INTS11: variants seen among roughly 807,000 people sequenced by gnomAD.
The protein encoded by INTS11 is integrator complex subunit 11, also known as CPSF3-like protein.
In INTS11, 77 loss-of-function variants were observed where a neutral mutation model predicts 78.6. The ratio of observed to expected loss-of-function variants is 0.98; its 90% CI spans 0.81 to 1.18. The LOEUF is 1.18. Ranked by LOEUF, INTS11 falls within the 50% of genes most tolerant of loss-of-function variation. INTS11 has a pLI of 0.00. For synonymous variants in INTS11, 441 were observed against 326.9 expected (o/e 1.35, Z -3.77); for missense variants, 875 against 825.9 (o/e 1.06, Z -0.73).
At chr1:1,323,463 G>A (rs1272596304) in intron 1 of INTS11, among the ~76,000 whole-genome samples, 4 of 152,162 alleles carry the variant, frequency 2.6e-5, no homozygotes, top group Admixed American at 6.5e-5. Flanking sequence ...GGAGTGCAGT[G>A]GCACAATCAT....
intron 4 of INTS11, chr1:1,319,067 C>A: frequency 1.4e-6 from 1 of 719,948 alleles, no homozygotes; most frequent in Non-Finnish European, 2.6e-6. Flanking sequence ...TAAGCCGGTG[C>A]ATACCCCCAC....
Position 1,311,646 on chromosome 1 carries a change from C to T in INTS11, c.*213G>A, listed in dbSNP as rs1430917557. On this transcript the variant is annotated 3_prime_UTR_variant, in exon 17 of 17. Transcript: ENST00000435064. Reference sequence around the variant, plus strand: ...GAAACTGCTGTCTAGGACCACCTGCCCTAACCAGGAATAAAGGCAAGACAG... The same window carrying T: ...GAAACTGCTGTCTAGGACCACCTGCTCTAACCAGGAATAAAGGCAAGACAG... 4.2e-6 allele frequency: 3 copies of T among 709,454 alleles called. No homozygotes were observed. The highest frequency in any genetic ancestry group is 2.0e-5 in the Admixed American group (1 of 49,184). 43.9% of individuals were successfully genotyped at this position (709,454 alleles called of 1,614,324 possible). A position where few individuals can be genotyped will look rare whatever the true frequency, so the allele number is the denominator to read the frequency against.
In INTS11 at chr1:1,313,492, C is replaced by T. The variant is rs755281612; in HGVS notation, c.1041+17G>A. On this transcript the variant is annotated intron_variant, in intron 10 of 16. Transcript: ENST00000435064. ...GGCCTCCAGCTTCCAGATTCCCACA[C>T]CTCACCATGCCCTCACCATGTTCTT... is the stretch of plus-strand genomic sequence containing the variant. The T allele has an allele frequency of 1.9e-6, 3 of 1,612,644 alleles. No homozygotes were observed. The African/African-American group carries it at 4.0e-5, about 22-fold the overall frequency.
intron 1 of INTS11, chr1:1,322,739 G>A (rs1482836527): frequency 9.2e-5 from 24 of 260,834 alleles, no homozygotes; most frequent in Non-Finnish European, 1.3e-4. Flanking sequence ...AGGGTGGGTA[G>A]GGGGACCGGC....
At chr1:1,316,031 A>C (rs1056858884) in intron 4 of INTS11, 4 of 256,996 alleles carry the variant, frequency 1.6e-5, no homozygotes, top group South Asian at 4.4e-5. Context: ...GACAAGGTTC[A>C]GAATGTTGGC....
intron 14 of INTS11, 31 bp downstream of exon 14, chr1:1,312,409 T>C (rs758207703): frequency 2.6e-6 from 4 of 1,564,468 alleles, no homozygotes; most frequent in Middle Eastern, 1.7e-4. Flanking sequence ...GCAGCGGCCC[T>C]CCCCCCTCCA....
chr1:1,314,798 C>T lies in INTS11; in HGVS notation c.702+26G>A. On this transcript the variant is annotated intron_variant, in intron 7 of 16. Coordinates refer to ENST00000435064, the MANE Select transcript of INTS11 (RefSeq NM_017871.6). The surrounding 1 kb of genome is among the most constrained non-coding windows in gnomAD (Gnocchi z 4.2). ...GACCAGCCCAGCATGGCCGAGGGCCCATGTCCCCACCCCTGCTGCAGCTAC... is the reference window on the plus strand; with the variant it reads ...GACCAGCCCAGCATGGCCGAGGGCCTATGTCCCCACCCCTGCTGCAGCTAC... 1 of 1,601,352 alleles carries T rather than the reference C, an allele frequency of 6.2e-7. No individual in the cohort carries two copies. Among genetic ancestry groups the T allele is most frequent in the East Asian group, 2.2e-5 (1 of 44,554 alleles).
At chr1:1,321,804 T>C (rs549165001) in intron 1 of INTS11, 3 of 826,430 alleles carry the variant, frequency 3.6e-6, no homozygotes, top group East Asian at 3.3e-5. Flanking sequence ...AGCCCCCTCA[T>C]GTGGCCTGGG....
Position 1,321,012 on chromosome 1 carries a change from A to G in INTS11, c.110T>C (p.Met37Thr), listed in dbSNP as rs755105351. Residue 37 changes from methionine (M) to threonine (T), a missense_variant, in exon 2 of 17, where the codon ATG (methionine) becomes ACG (threonine). Physicochemically the swap from Met to Thr is moderately conservative, Grantham distance 81. Transcript: ENST00000435064. ...GGGACTCACGTCGTCATTGAAGCCC[A>G]TGTGCATTCCACAGTCCAGCATGAC... ...KNVMLDCGMH[M>T]GFNDDRRFPD... 6.2e-7 allele frequency: 1 copy of G among 1,613,072 alleles called. No individual in the cohort carries two copies. Among genetic ancestry groups the G allele is most frequent in the Non-Finnish European group, 8.5e-7 (1 of 1,179,900 alleles).
rs1225292060 is a variant in INTS11 at position 1,313,930 on chromosome 1, C to CACCG, written c.768-13_768-10dup. On this transcript the variant is annotated splice_polypyrimidine_tract_variant and intron_variant, in intron 8 of 16. Coordinates refer to ENST00000435064, the MANE Select transcript of INTS11 (RefSeq NM_017871.6). ...TCAGGTTCATGCGCTCCCTGGGGAC[C>CACCG]ACCGGCCCAGTCAGCACAGTGGCCA... 1 of 1,610,236 alleles carries CACCG rather than the reference C, an allele frequency of 6.2e-7. No homozygotes were observed. Among genetic ancestry groups the CACCG allele is most frequent in the East Asian group, 2.2e-5 (1 of 44,816 alleles).
chr1:1,314,409 G>C lies in INTS11; in HGVS notation c.703-44C>G. On this transcript the variant is annotated intron_variant, in intron 7 of 16. Transcript: ENST00000435064. The surrounding 1 kb of genome is among the most constrained non-coding windows in gnomAD (Gnocchi z 4.2). ...AGGAGCCCTGGGCACATGGCCCCTC[G>C]ACACAGCAGGCAGCGTCCAGTGAGG... 1.0e-5 allele frequency: 16 copies of C among 1,549,222 alleles called. No individual in the cohort carries two copies. The highest frequency in any genetic ancestry group is 1.4e-5 in the Non-Finnish European group (16 of 1,136,918).
At position 1,314,555 on chromosome 1, in the gene INTS11, CGCATGAGAGACAGAAGGGAGCT is replaced by C. The variant is rs1394785690; in HGVS notation, c.703-212_703-191del. 2.1e-3 allele frequency: 1,337 copies of C among 639,206 alleles called. 2 individuals are homozygous for C. The highest frequency in any genetic ancestry group is 2.9e-3 in the Non-Finnish European group (1,065 of 372,190). 39.6% of individuals were successfully genotyped at this position (639,206 alleles called of 1,614,324 possible). ...AGCCGTATGAGAGACAGGAGGGAGC[CGCATGAGAGACAGAAGGGAGCT>C]GCATGAGAGACAGAAGGAGCCTGGC... On this transcript the variant is annotated intron_variant, in intron 7 of 16. Coordinates refer to ENST00000435064, the MANE Select transcript of INTS11 (RefSeq NM_017871.6). The surrounding 1 kb of genome is among the most constrained non-coding windows in gnomAD (Gnocchi z 4.2).
rs1172684851 is a variant in INTS11, at chr1:1,313,774, G to T, written c.915C>A (p.Ile305=). The T allele has an allele frequency of 1.2e-6, 2 of 1,613,380 alleles. No homozygotes were observed. The highest frequency in any genetic ancestry group is 1.7e-6 in the Non-Finnish European group (2 of 1,179,996). Residue 305 remains isoleucine (I), a synonymous_variant, in exon 9 of 17, where the codon ATC becomes ATA. Coordinates refer to ENST00000435064, the MANE Select transcript of INTS11 (RefSeq NM_017871.6). The part of the protein sequence containing the change: ...VQRNMFEFKH[I]KAFDRAFADN... The stretch of plus-strand genomic sequence containing the variant: ...CAGCAAAAGCCCGGTCGAAGGCCTT[G>T]ATGTGCTTGAACTCAAACATGTTCC...
At chr1:1,313,968 C>A in intron 8 of INTS11, 47 bp from the exon 9 acceptor site, 2 of 1,580,622 alleles carry the variant, frequency 1.3e-6, no homozygotes, top group South Asian at 1.1e-5. Context: ...GGGGAGAATG[C>A]TGCAGGGCAG....
intron 6 of INTS11, 30 bp downstream of exon 6, chr1:1,315,374 C>T (rs370437646): frequency 2.3e-5 from 37 of 1,612,838 alleles, no homozygotes; most frequent in African/African-American, 1.3e-4. Flanking sequence ...GGGGGGCCCA[C>T]GGGACAAAAA....
rs758277385 is a variant in INTS11, at chr1:1,315,448, G to C, written c.529-10C>G. The stretch of plus-strand genomic sequence containing the variant: ...TCATGTTATAATCACCCTGGTGAAC[G>C]ATCAAGGATGCCATGAGGAGGGTGC... On this transcript the variant is annotated splice_polypyrimidine_tract_variant and intron_variant, in intron 5 of 16. Coordinates refer to ENST00000435064, the MANE Select transcript of INTS11 (RefSeq NM_017871.6). 6.2e-7 allele frequency: 1 copy of C among 1,613,140 alleles called. No individual in the cohort carries two copies. The highest frequency in any genetic ancestry group is 8.5e-7 in the Non-Finnish European group (1 of 1,179,904).
At chr1:1,321,382 T>C (rs1280367833) in intron 1 of INTS11, among the ~76,000 whole-genome samples, 1 of 151,960 alleles carries the variant, frequency 6.6e-6, no homozygotes, top group African/African-American at 2.4e-5. Context: ...TAGTGGGCAC[T>C]GTGCTGTGGC....
In INTS11 at chr1:1,314,834, C is replaced by T. The variant is rs575554390; in HGVS notation, c.692G>A (p.Arg231His). 56 of 1,611,404 alleles carry T rather than the reference C, an allele frequency of 3.5e-5. No individual in the cohort carries two copies. Among genetic ancestry groups the T allele is most frequent in the Admixed American group, 1.8e-4 (11 of 59,986 alleles). The change falls in exon 7 of 17, where the codon CGT (arginine) becomes CAT (histidine). Residue 231 changes from arginine (R) to histidine (H), a missense_variant. Physicochemically the swap from Arg to His is conservative, Grantham distance 29 (BLOSUM62 0). Coordinates refer to ENST00000435064, the MANE Select transcript of INTS11 (RefSeq NM_017871.6). The surrounding 1 kb of genome is among the most constrained non-coding windows in gnomAD (Gnocchi z 4.2). Reference protein sequence around the residue: ...FLKKVHETVERGGKVLIPVFA... With the variant: ...FLKKVHETVEHGGKVLIPVFA... ...CCCTGCTGCAGCTACCTTCCCACCA[C>T]GCTCCACGGTCTCGTGGACTTTCTT...
rs992808858 is a variant in INTS11 at position 1,314,544 on chromosome 1, C to G, written c.703-179G>C. The G allele has an allele frequency of 1.6e-4, 107 of 649,690 alleles. No homozygotes were observed. Among genetic ancestry groups the G allele is most frequent in the Non-Finnish European group, 2.7e-4 (103 of 380,490 alleles). The allele number at this position is 649,690 out of a possible 1,614,324, so 40.2% of individuals were successfully genotyped here. ...AGACAGAAGGGAGCCGTATGAGAGA[C>G]AGGAGGGAGCCGCATGAGAGACAGA... On this transcript the variant is annotated intron_variant, in intron 7 of 16. Coordinates refer to ENST00000435064, the MANE Select transcript of INTS11 (RefSeq NM_017871.6). The surrounding 1 kb of genome is among the most constrained non-coding windows in gnomAD (Gnocchi z 4.2).
Sources: allele counts gnomAD v4.1 joint callset (sites outside exome capture counted in the v4.1 genomes callset), GRCh38; gene constraint gnomAD v4.1.1; non-coding constraint Gnocchi (gnomAD v3.1); transcripts MANE v1.5; gene names NCBI Gene and HGNC (gene_info 2026-07-23, HGNC 2026-07-21).